SUGCT: variants seen among roughly 807,000 people sequenced by gnomAD.
SUGCT encodes succinyl-CoA:glutarate CoA-transferase.
Under a neutral mutation model 55.0 loss-of-function variants are expected in SUGCT, and 41 were observed. The observed-to-expected ratio is 0.74, with a 90% CI of 0.58 to 0.97. SUGCT has a LOEUF of 0.97. Among genes scored for constraint, SUGCT ranks in the 50% least tolerant of loss-of-function variants. The pLI is 0.00. For missense variants in SUGCT, 568 were observed against 547.8 expected (o/e 1.04, Z -0.37); for synonymous variants, 187 against 200.4 (o/e 0.93, Z 0.56).
At chr7:40,492,650 T>G (rs1341234383) in intron 11 of SUGCT, among the ~76,000 whole-genome samples, 4 of 152,234 alleles carry the variant, frequency 2.6e-5, no homozygotes, top group Non-Finnish European at 5.9e-5. Flanking sequence ...TTGCTCTCTC[T>G]ACCTGGAAGA....
chr7:40,557,710 T>C (rs1795623384), intron 12 of SUGCT, among the ~76,000 whole-genome samples: 1 of 150,706 alleles, frequency 6.6e-6, no homozygotes, highest in South Asian at 2.1e-4. Context: ...GAGGCGGAGG[T>C]TGCAGTGAGC....
At chr7:41,004,678 C>G in the SUGCT span, among the ~76,000 whole-genome samples, 1 of 152,226 alleles carries the variant, frequency 6.6e-6, no homozygotes, top group Non-Finnish European at 1.5e-5. Flanking sequence ...AGTTGCAACT[C>G]CTGTCCTCCC....
intron 3 of SUGCT, among the ~76,000 whole-genome samples, chr7:40,184,498 A>G (rs1286134372): frequency 7.0e-6 from 1 of 142,632 alleles, no homozygotes; most frequent in African/African-American, 2.6e-5. Flanking sequence ...GCCTTATTAA[A>G]TTTTTTTTTT....
At chr7:40,147,674 G>A (rs763251797) in intron 1 of SUGCT, among the ~76,000 whole-genome samples, 17 of 152,176 alleles carry the variant, frequency 1.1e-4, no homozygotes, top group African/African-American at 1.9e-4. Flanking sequence ...TTCTCTCCGC[G>A]TTGCTGAGAG....
At chr7:40,175,343 C>G (rs148923689) in intron 1 of SUGCT, among the ~76,000 whole-genome samples, 5 of 152,124 alleles carry the variant, frequency 3.3e-5, no homozygotes, top group East Asian at 1.9e-4. Context: ...CCTCAGCCCC[C>G]CTAGTAGCTG....
the SUGCT span, among the ~76,000 whole-genome samples, chr7:40,976,027 C>G: frequency 6.6e-6 from 1 of 152,196 alleles, no homozygotes; most frequent in Non-Finnish European, 1.5e-5. Flanking sequence ...ATCCCTCCCA[C>G]CCTTTGTGGA....
intron 12 of SUGCT, among the ~76,000 whole-genome samples, chr7:40,630,635 G>A (rs1799747647): frequency 6.6e-6 from 1 of 152,134 alleles, no homozygotes; most frequent in African/African-American, 2.4e-5. Flanking sequence ...ACAAAAACAT[G>A]AAGTAACTTT....
chr7:40,938,134 C>A, the SUGCT span, among the ~76,000 whole-genome samples: 5 of 152,328 alleles, frequency 3.3e-5, no homozygotes, highest in African/African-American at 1.2e-4. Context: ...TACCAGCCTG[C>A]AGCCTGGGGA....
intron 9 of SUGCT, among the ~76,000 whole-genome samples, chr7:40,407,958 A>G (rs1786469738): frequency 1.3e-5 from 2 of 152,138 alleles, no homozygotes; most frequent in African/African-American, 4.8e-5. Context: ...TTGAAAGGAT[A>G]TTAATGGTTT....
chr7:40,907,140 TGAGA>T, the SUGCT span, among the ~76,000 whole-genome samples: 76 of 29,152 alleles, frequency 2.6e-3, no homozygotes, highest in South Asian at 8.1e-3. Flanking sequence ...TGTGTGTGTG[TGAGA>T]GAGAGAGAGA....
the SUGCT span, chr7:40,965,700 A>G: frequency 5.3e-5 from 8 of 152,320 alleles, no homozygotes; most frequent in Admixed American, 2.6e-4. Flanking sequence ...AGATTTGGTA[A>G]TTCTACCTCT....
Position 40,406,225 on chromosome 7 carries a change from C to T in SUGCT, c.817-43062C>T, listed in dbSNP as rs144758798. Among the ~76,000 whole-genome samples, 10 of 152,162 alleles carry T rather than the reference C, an allele frequency of 6.6e-5. 1 individual carries two copies. In the East Asian group the frequency reaches 1.9e-3, roughly 29 times the overall value. On this transcript the variant is annotated intron_variant, in intron 9 of 13. Transcript: ENST00000335693. ...CTAGTCTGGATGACGCCAGCTGGTT[C>T]ATCAGAATGCAGGGTCTGAGAAATA...
intron 8 of SUGCT, among the ~76,000 whole-genome samples, chr7:40,310,649 A>G (rs989673931): frequency 6.6e-6 from 1 of 152,238 alleles, no homozygotes; most frequent in African/African-American, 2.4e-5. Context: ...TCTGAAATAC[A>G]AAGTTTATTT....
chr7:40,565,677 C>T (rs546889514), intron 12 of SUGCT, among the ~76,000 whole-genome samples: 16 of 152,024 alleles, frequency 1.1e-4, no homozygotes, highest in African/African-American at 2.9e-4. Flanking sequence ...TGGAATGATC[C>T]GGTCCCATTT....
chr7:40,603,026 A>G (rs1443161045), intron 12 of SUGCT, among the ~76,000 whole-genome samples: 1 of 152,208 alleles, frequency 6.6e-6, no homozygotes, highest in Non-Finnish European at 1.5e-5. Context: ...TGAGGGGAAC[A>G]GAACTCTCAT....
At chr7:40,250,028 C>A (rs906239428) in intron 7 of SUGCT, among the ~76,000 whole-genome samples, 11 of 152,194 alleles carry the variant, frequency 7.2e-5, no homozygotes, top group African/African-American at 2.6e-4. Flanking sequence ...CTCAGGTGAT[C>A]AGCCTGCCTC....
At chr7:40,150,652 CAA>C (rs1418008076) in intron 1 of SUGCT, among the ~76,000 whole-genome samples, 1 of 150,520 alleles carries the variant, frequency 6.6e-6, no homozygotes, top group Admixed American at 6.6e-5. Flanking sequence ...GCCTGGGGAA[CAA>C]GAGCGAAACT....
At chr7:40,263,899 C>A (rs775912131) in intron 7 of SUGCT, among the ~76,000 whole-genome samples, 2 of 151,874 alleles carry the variant, frequency 1.3e-5, no homozygotes, top group East Asian at 1.9e-4. Flanking sequence ...GGTCTCAATT[C>A]GTCATTTTTT....
intron 8 of SUGCT, among the ~76,000 whole-genome samples, chr7:40,295,782 T>G (rs1403416573): frequency 6.6e-6 from 1 of 152,200 alleles, no homozygotes; most frequent in Admixed American, 6.5e-5. Flanking sequence ...ATTGCCTATT[T>G]AGGTGCATAG....
Sources: gnomAD v4.1 joint callset for allele counts (sites outside exome capture counted in the v4.1 genomes callset) on GRCh38, gnomAD v4.1.1 for gene constraint, MANE v1.5 for transcripts, NCBI Gene and HGNC (gene_info 2026-07-23, HGNC 2026-07-21) for gene names.